The following MMP26 variants were observed in gnomAD, a reference collection of about 807,000 sequenced individuals.
MMP26 encodes the protein matrix metalloproteinase-26.
MMP26 carries 33 observed loss-of-function variants against 31.0 expected under a neutral mutation model. The ratio of observed to expected loss-of-function variants is 1.06; its 90% CI spans 0.81 to 1.42. The LOEUF is 1.42. Among genes scored for constraint, MMP26 ranks in the 40% most tolerant of loss-of-function variants. The pLI, the probability that MMP26 is intolerant of heterozygous loss-of-function variation, is 0.00. For synonymous variants in MMP26, 122 were observed against 114.9 expected (o/e 1.06, Z -0.40); for missense variants, 347 against 316.1 (o/e 1.10, Z -0.74).
intron 2 of MMP26, among the ~76,000 whole-genome samples, chr11:4,778,597 A>C (rs562526160): frequency 7.9e-5 from 12 of 152,176 alleles, no homozygotes; most frequent in African/African-American, 2.4e-4. Context: ...GTGCCTAGGC[A>C]ATTCTATATA....
chr11:4,961,131 C>T (rs961163415), intron 2 of MMP26, among the ~76,000 whole-genome samples: 5 of 152,198 alleles, frequency 3.3e-5, no homozygotes, highest in South Asian at 2.1e-4. Flanking sequence ...GAAATTTTGT[C>T]TTCACAACTG....
At chr11:4,744,371 T>C (rs1412402302) in intron 1 of MMP26, among the ~76,000 whole-genome samples, 1 of 152,252 alleles carries the variant, frequency 6.6e-6, no homozygotes, top group Admixed American at 6.5e-5. Flanking sequence ...AACAGCATTT[T>C]GTGTTTTTAT....
At chr11:4,983,036 A>G (rs773968825) in intron 2 of MMP26, among the ~76,000 whole-genome samples, 40 of 152,250 alleles carry the variant, frequency 2.6e-4, no homozygotes, top group African/African-American at 8.9e-4. Flanking sequence ...TTAATAGACC[A>G]TTCTATGAGA....
At chr11:4,858,629 T>G (rs1360060044) in intron 2 of MMP26, among the ~76,000 whole-genome samples, 1 of 152,114 alleles carries the variant, frequency 6.6e-6, no homozygotes, top group Admixed American at 6.6e-5. Flanking sequence ...ATTAATATCA[T>G]AAAAATGGCC....
chr11:4,925,771 C>CA (rs11441973), intron 2 of MMP26, among the ~76,000 whole-genome samples: 70,135 of 141,988 alleles, frequency 0.49, 16,867 homozygotes, highest in East Asian at 0.62. Flanking sequence ...CTGTTAACTA[C>CA]AAAAAAAAAA....
At chr11:4,848,851 A>C (rs1412349671) in intron 2 of MMP26, 6 of 1,614,026 alleles carry the variant, frequency 3.7e-6, no homozygotes, top group Non-Finnish European at 5.1e-6. Flanking sequence ...AAGACAGAGG[A>C]CTCCATGACA....
chr11:4,801,594 G>C (rs1350474331), intron 2 of MMP26, among the ~76,000 whole-genome samples: 1 of 151,656 alleles, frequency 6.6e-6, no homozygotes, highest in Non-Finnish European at 1.5e-5. Context: ...CCATGCTGGA[G>C]TCCAATGGCA....
At chr11:4,923,060 A>G (rs986428031) in intron 2 of MMP26, among the ~76,000 whole-genome samples, 4 of 152,228 alleles carry the variant, frequency 2.6e-5, no homozygotes, top group Non-Finnish European at 5.9e-5. Flanking sequence ...GATTTTGTCC[A>G]ATCATAATGG....
At chr11:4,926,519 C>G (rs114658029) in intron 2 of MMP26, among the ~76,000 whole-genome samples, 13 of 152,152 alleles carry the variant, frequency 8.5e-5, no homozygotes, top group African/African-American at 3.1e-4. Context: ...TTTCAGCCAG[C>G]AGGCATAGTG....
At chr11:4,788,985 G>A (rs981089320) in intron 2 of MMP26, among the ~76,000 whole-genome samples, 1 of 152,118 alleles carries the variant, frequency 6.6e-6, no homozygotes, top group East Asian at 1.9e-4. Context: ...AAGCCTGCAT[G>A]GTAGAGAATA....
chr11:4,867,919 T>A, intron 2 of MMP26, among the ~76,000 whole-genome samples: 1 of 152,214 alleles, frequency 6.6e-6, no homozygotes, highest in East Asian at 1.9e-4. Flanking sequence ...TAAAAATTGT[T>A]CTATTGTAAA....
intron 2 of MMP26, among the ~76,000 whole-genome samples, chr11:4,892,352 AG>A (rs1850637692): frequency 6.6e-6 from 1 of 152,172 alleles, no homozygotes; most frequent in Non-Finnish European, 1.5e-5. Context: ...TCAGCTCAGA[AG>A]TGTCTTGGCC....
At position 4,834,604 on chromosome 11, in the gene MMP26, C is replaced by G. The variant is rs1012254717; in HGVS notation, c.-145+67263C>G. ...TCAGGGTTACGTGTCCTCTAAAGTC[C>G]TTACTGTGATAGCTCAGTCCTTCCA... is the stretch of plus-strand genomic sequence containing the variant. On this transcript the variant is annotated intron_variant, in intron 2 of 7. Coordinates refer to ENST00000380390, the MANE Select transcript of MMP26 (RefSeq NM_021801.5). 2.0e-5 allele frequency among the ~76,000 whole-genome samples: 3 copies of G among 152,162 alleles called. No individual in the cohort carries two copies. In the East Asian group the frequency reaches 5.8e-4, roughly 29 times the overall value.
chr11:4,982,287 T>C (rs752418057), intron 2 of MMP26, among the ~76,000 whole-genome samples: 1 of 152,102 alleles, frequency 6.6e-6, no homozygotes, highest in Non-Finnish European at 1.5e-5. Flanking sequence ...TCAGTTTCTT[T>C]ATATCAGCAT....
In MMP26 at chr11:4,898,326, C is replaced by T. The variant is rs1850744269; in HGVS notation, c.-144-89742C>T. On this transcript the variant is annotated intron_variant, in intron 2 of 7. Coordinates refer to ENST00000380390, the MANE Select transcript of MMP26 (RefSeq NM_021801.5). ...CTCTACTTGTATATCTTTTTCCCCT[C>T]TTATTTTATTATTTCTCTCTTTTTC... is the stretch of plus-strand genomic sequence containing the variant. 2.0e-5 allele frequency among the ~76,000 whole-genome samples: 3 copies of T among 152,044 alleles called. No individual in the cohort carries two copies. The South Asian group carries it at 6.2e-4, about 32-fold the overall frequency.
intron 2 of MMP26, among the ~76,000 whole-genome samples, chr11:4,784,527 G>A (rs1456351458): frequency 6.6e-6 from 1 of 152,204 alleles, no homozygotes; most frequent in Middle Eastern, 3.2e-3. Context: ...GTCCTTTTAA[G>A]AGACAGAAAA....
At chr11:4,731,186 G>A (rs1376412670) in intron 1 of MMP26, among the ~76,000 whole-genome samples, 4 of 151,964 alleles carry the variant, frequency 2.6e-5, no homozygotes, top group Non-Finnish European at 5.9e-5. Flanking sequence ...TCAGGTGACC[G>A]CCTCAGCCTC....
chr11:4,877,095 T>C (rs996527045), intron 2 of MMP26: 1 of 152,384 alleles, frequency 6.6e-6, no homozygotes, highest in Non-Finnish European at 1.5e-5. Flanking sequence ...CTCCCATGCA[T>C]ACTGCCTCCA....
chr11:4,836,802 G>T (rs1849725582), intron 2 of MMP26, among the ~76,000 whole-genome samples: 1 of 151,256 alleles, frequency 6.6e-6, no homozygotes, highest in Non-Finnish European at 1.5e-5. Flanking sequence ...TGGGACTACA[G>T]GTGTGCACCA....
Sources: gnomAD v4.1 joint callset for allele counts (sites outside exome capture counted in the v4.1 genomes callset) on GRCh38, gnomAD v4.1.1 for gene constraint, MANE v1.5 for transcripts, NCBI Gene and HGNC (gene_info 2026-07-23, HGNC 2026-07-21) for gene names.